Variants in CNTN1 observed in about 807,000 individuals in gnomAD.
The protein encoded by CNTN1 is contactin 1, also known as contactin-1.
In CNTN1, 38 loss-of-function variants were observed where a neutral mutation model predicts 126.4. The observed-to-expected ratio is 0.30, with a 90% CI of 0.23 to 0.39. The LOEUF is 0.39. Ranked by LOEUF, CNTN1 falls within the 10% of genes least tolerant of loss-of-function variation. The pLI is 1.00. For synonymous variants in CNTN1, 413 were observed against 422.6 expected (o/e 0.98, Z 0.28); for missense variants, 1,009 against 1,248.4 (o/e 0.81, Z 2.89).
chr12:40,983,198 C>T (rs1203036586), intron 16 of CNTN1, among the ~76,000 whole-genome samples: 1 of 152,052 alleles, frequency 6.6e-6, no homozygotes, highest in Non-Finnish European at 1.5e-5. Flanking sequence ...CTTCTACTTT[C>T]ATTGAATTTG....
At chr12:40,855,698 A>C (rs879674762) in intron 1 of CNTN1, among the ~76,000 whole-genome samples, 7 of 152,136 alleles carry the variant, frequency 4.6e-5, no homozygotes, top group African/African-American at 1.7e-4. Context: ...TGTTACTGAC[A>C]AAAGAAGTAC....
intron 1 of CNTN1, among the ~76,000 whole-genome samples, chr12:40,707,666 C>T (rs993610315): frequency 3.9e-5 from 6 of 152,118 alleles, no homozygotes; most frequent in Admixed American, 1.3e-4. Flanking sequence ...ATGTTCTAAT[C>T]TACTGTGCTT....
At chr12:40,858,727 C>A (rs777068826) in intron 1 of CNTN1, among the ~76,000 whole-genome samples, 64 of 152,156 alleles carry the variant, frequency 4.2e-4, no homozygotes, top group Non-Finnish European at 1.9e-4. Context: ...GGAATCAACC[C>A]AAATCCTCAA....
chr12:40,756,526 G>C, intron 1 of CNTN1, among the ~76,000 whole-genome samples: 1 of 152,116 alleles, frequency 6.6e-6, no homozygotes, highest in Non-Finnish European at 1.5e-5. Context: ...AGTGGGCAAA[G>C]ATGTCTGAGA....
rs148262458 is a variant in CNTN1, at chr12:40,929,286, T to C, written c.497-510T>C. On this transcript the variant is annotated intron_variant, in intron 6 of 23. Coordinates refer to ENST00000551295, the MANE Select transcript of CNTN1 (RefSeq NM_001843.4). ...CTGTTTCTGTGGTTTCCCTTTTTAA[T>C]GTGACCACAATAGGTTATGTAAGCT... 6.3e-4 allele frequency among the ~76,000 whole-genome samples: 96 copies of C among 151,706 alleles called. 1 individual carries two copies. The highest frequency in any genetic ancestry group is 2.1e-3 in the African/African-American group (88 of 41,424).
rs111706317 is a variant in CNTN1, at chr12:40,976,879, T to A, written c.1805-4030T>A. On this transcript the variant is annotated intron_variant, in intron 15 of 23. Transcript: ENST00000551295. The stretch of plus-strand genomic sequence containing the variant: ...CTTAATACACAGAGTATCTTCACAT[T>A]CCCAAATTTTCCTCACCTACATCAA... Among the ~76,000 whole-genome samples, 495 of 152,262 alleles carry A rather than the reference T, an allele frequency of 3.3e-3. 2 individuals carry two copies. Among genetic ancestry groups the A allele is most frequent in the Non-Finnish European group, 5.5e-3 (377 of 68,008 alleles).
At chr12:40,866,661 A>T (rs1287772929) in intron 1 of CNTN1, among the ~76,000 whole-genome samples, 1 of 152,182 alleles carries the variant, frequency 6.6e-6, no homozygotes, top group East Asian at 1.9e-4. Flanking sequence ...GAAAAATCTC[A>T]CTTGGCTATG....
At chr12:40,795,143 A>G (rs1431813240) in intron 1 of CNTN1, among the ~76,000 whole-genome samples, 1 of 151,986 alleles carries the variant, frequency 6.6e-6, no homozygotes, top group Non-Finnish European at 1.5e-5. Context: ...CTGCTTCAAG[A>G]CTGTAGGATC....
At chr12:40,848,607 C>T (rs769638567) in intron 1 of CNTN1, among the ~76,000 whole-genome samples, 9 of 151,898 alleles carry the variant, frequency 5.9e-5, no homozygotes, top group Admixed American at 2.6e-4. Context: ...TCTTTTAAAA[C>T]GATATAGATG....
At chr12:40,704,278 A>G (rs1435436668) in intron 1 of CNTN1, among the ~76,000 whole-genome samples, 1 of 152,168 alleles carries the variant, frequency 6.6e-6, no homozygotes, top group African/African-American at 2.4e-5. Context: ...AAATAAGTCT[A>G]GATTTGAAAC....
intron 14 of CNTN1, 140 bp from the exon 15 acceptor site, chr12:40,958,974 G>A (rs1947002133): frequency 4.3e-6 from 4 of 924,036 alleles, no homozygotes; most frequent in Non-Finnish European, 6.8e-6. Flanking sequence ...CTAGAGCAAG[G>A]ACATAGAGTT....
intron 1 of CNTN1, among the ~76,000 whole-genome samples, chr12:40,824,643 A>T (rs546039985): frequency 2.6e-5 from 4 of 152,162 alleles, no homozygotes; most frequent in Non-Finnish European, 4.4e-5. Flanking sequence ...TTTTTACGCG[A>T]TAAAACTGAT....
chr12:40,734,817 A>G (rs1035098581), intron 1 of CNTN1, among the ~76,000 whole-genome samples: 5 of 152,138 alleles, frequency 3.3e-5, no homozygotes, highest in Admixed American at 1.3e-4. Flanking sequence ...CAAATGGAGA[A>G]CCAACATCTG....
In CNTN1 at chr12:40,941,292, T is replaced by C. The variant is rs144859332; in HGVS notation, c.1379+1807T>C. ...TATTTAATAGTAGATATAGTATTCA[T>C]ATGCAAATATATTTGAATTGTAAAA... On this transcript the variant is annotated intron_variant, in intron 12 of 23. Transcript: ENST00000551295. Among the ~76,000 whole-genome samples, 648 of 152,274 alleles carry C rather than the reference T, an allele frequency of 4.3e-3. 3 individuals carry two copies. The highest frequency in any genetic ancestry group is 0.015 in the African/African-American group (610 of 41,566).
intron 1 of CNTN1, among the ~76,000 whole-genome samples, chr12:40,715,248 T>G (rs2121185975): frequency 6.6e-6 from 1 of 152,248 alleles, no homozygotes; most frequent in African/African-American, 2.4e-5. Context: ...CAGGTGATGG[T>G]GGTACTGCTT....
intron 1 of CNTN1, among the ~76,000 whole-genome samples, chr12:40,758,472 C>T (rs1592055135): frequency 1.3e-5 from 2 of 152,076 alleles, no homozygotes; most frequent in South Asian, 4.2e-4. Flanking sequence ...ATTTAATTTC[C>T]TGTTACAATG....
At chr12:40,917,974 C>T (rs905803806) in intron 3 of CNTN1, among the ~76,000 whole-genome samples, 12 of 152,158 alleles carry the variant, frequency 7.9e-5, no homozygotes, top group Middle Eastern at 3.2e-3. Flanking sequence ...CAAAAACTGG[C>T]TCAGAAAAGA....
intron 23 of CNTN1, among the ~76,000 whole-genome samples, chr12:41,050,195 C>T (rs979688646): frequency 2.0e-5 from 3 of 152,144 alleles, no homozygotes; most frequent in Non-Finnish European, 2.9e-5. Flanking sequence ...CCACTGCACC[C>T]AGTCAAGATG....
At chr12:40,856,010 T>G (rs1942894612) in intron 1 of CNTN1, among the ~76,000 whole-genome samples, 1 of 152,132 alleles carries the variant, frequency 6.6e-6, no homozygotes, top group Non-Finnish European at 1.5e-5. Context: ...CCCAAAGAGT[T>G]TACATGCTCA....
Sources: gnomAD v4.1 joint callset for allele counts (sites outside exome capture counted in the v4.1 genomes callset) on GRCh38, gnomAD v4.1.1 for gene constraint, MANE v1.5 for transcripts, NCBI Gene and HGNC (gene_info 2026-07-23, HGNC 2026-07-21) for gene names.